Variants in NTN4 observed in about 807,000 individuals in gnomAD.
NTN4 encodes the protein netrin 4.
A neutral mutation model predicts 73.6 loss-of-function variants in NTN4; 32 were observed. That is an observed-to-expected ratio of 0.44 (90% CI 0.33 to 0.58). NTN4 has a LOEUF of 0.58. Among genes scored for constraint, NTN4 ranks in the 20% least tolerant of loss-of-function variants. The pLI is 0.04. For synonymous variants in NTN4, 258 were observed against 287.5 expected, an observed-to-expected ratio of 0.90 and a Z score of 1.04; for missense variants, 654 against 798.3, an observed-to-expected ratio of 0.82 and a Z score of 2.18.
At chr12:95,672,256 G>A in intron 7 of NTN4, 1 of 684,338 alleles carries the variant, frequency 1.5e-6, no homozygotes, top group Non-Finnish European at 2.7e-6. Context: ...GGCGGGCTGT[G>A]ATTCTAGAAT....
chr12:95,720,434 C>CTCTCTACTAGA (rs2078639286), intron 3 of NTN4, among the ~76,000 whole-genome samples: 1 of 152,170 alleles, frequency 6.6e-6, no homozygotes, highest in Admixed American at 6.5e-5. Flanking sequence ...TTATCCGCCT[C>CTCTCTACTAGA]TCTCTACTAG....
intron 2 of NTN4, among the ~76,000 whole-genome samples, chr12:95,771,325 A>G (rs2079057915): frequency 6.6e-6 from 1 of 152,158 alleles, no homozygotes; most frequent in African/African-American, 2.4e-5. Flanking sequence ...GAGTGTATGC[A>G]AACTGCCTGG....
intron 2 of NTN4, among the ~76,000 whole-genome samples, chr12:95,778,915 T>C (rs1362288321): frequency 6.6e-6 from 1 of 152,006 alleles, no homozygotes; most frequent in South Asian, 2.1e-4. Flanking sequence ...CTCAATAAAA[T>C]AAAGGCAAAC....
At chr12:95,754,911 G>T (rs1221725584) in intron 2 of NTN4, among the ~76,000 whole-genome samples, 1 of 152,202 alleles carries the variant, frequency 6.6e-6, no homozygotes, top group Non-Finnish European at 1.5e-5. Context: ...GCCATCATTT[G>T]TTTTATGTGG....
At position 95,691,543 on chromosome 12, in the gene NTN4, G is replaced by A. The variant is rs546253256; in HGVS notation, c.1181-7832C>T. 1.1e-3 allele frequency among the ~76,000 whole-genome samples: 174 copies of A among 151,944 alleles called. 1 individual carries two copies. Among genetic ancestry groups the A allele is most frequent in the African/African-American group, 4.0e-3 (167 of 41,426 alleles). On this transcript the variant is annotated intron_variant, in intron 5 of 9. Coordinates refer to ENST00000343702, the MANE Select transcript of NTN4 (RefSeq NM_021229.4). ...CCTGAGTAGCTGGGATTACAGGCAC[G>A]TGCCACCACGCCTGGCTAATTGTGG...
intron 3 of NTN4, among the ~76,000 whole-genome samples, chr12:95,732,847 G>T (rs1443212599): frequency 6.6e-6 from 1 of 152,114 alleles, no homozygotes; most frequent in Non-Finnish European, 1.5e-5. Context: ...ATAAATACAT[G>T]AATGAATGTA....
At chr12:95,728,858 T>G (rs1416981251) in intron 3 of NTN4, among the ~76,000 whole-genome samples, 1 of 152,176 alleles carries the variant, frequency 6.6e-6, no homozygotes, top group Non-Finnish European at 1.5e-5. Flanking sequence ...CCATTCCCCT[T>G]GGCACTGCCC....
At chr12:95,679,916 A>G (rs904695832) in intron 7 of NTN4, among the ~76,000 whole-genome samples, 11 of 152,008 alleles carry the variant, frequency 7.2e-5, no homozygotes, top group African/African-American at 2.4e-4. Flanking sequence ...ATTCCTCCTC[A>G]GGGCTTTAAA....
At chr12:95,663,045 G>C (rs1488019031) in intron 9 of NTN4, among the ~76,000 whole-genome samples, 1 of 152,020 alleles carries the variant, frequency 6.6e-6, no homozygotes, top group African/African-American at 2.4e-5. Context: ...GCTTGAGCCT[G>C]GGAGGTCGAG....
chr12:95,736,519 T>C (rs1014175009), intron 3 of NTN4, among the ~76,000 whole-genome samples: 10 of 152,216 alleles, frequency 6.6e-5, no homozygotes, highest in African/African-American at 2.2e-4. Context: ...CTACCTCACA[T>C]AAACTTTCTA....
At chr12:95,709,831 C>T (rs555728704) in intron 5 of NTN4, among the ~76,000 whole-genome samples, 2 of 152,286 alleles carry the variant, frequency 1.3e-5, no homozygotes, top group East Asian at 3.9e-4. Context: ...CCATGCCTGG[C>T]CTCCAAATAA....
At chr12:95,670,170 G>T in intron 7 of NTN4, 24 bp from the exon 8 acceptor site, 1 of 1,431,536 alleles carries the variant, frequency 7.0e-7, no homozygotes, top group Non-Finnish European at 9.7e-7. Flanking sequence ...ATTAAAAATG[G>T]TGTTAGTTAT....
chr12:95,724,384 C>A (rs1348101081), intron 3 of NTN4, among the ~76,000 whole-genome samples: 2 of 152,130 alleles, frequency 1.3e-5, no homozygotes, highest in Non-Finnish European at 2.9e-5. Context: ...TGACTACTGG[C>A]CTTTTAAAAA....
intron 2 of NTN4, among the ~76,000 whole-genome samples, chr12:95,752,754 C>A (rs1437633579): frequency 6.6e-6 from 1 of 152,234 alleles, no homozygotes; most frequent in East Asian, 1.9e-4. Context: ...CACCGTGTAG[C>A]CTTTCTGTCC....
chr12:95,771,923 C>G (rs1030665552), intron 2 of NTN4, among the ~76,000 whole-genome samples: 8 of 152,124 alleles, frequency 5.3e-5, no homozygotes, highest in Non-Finnish European at 1.2e-4. Flanking sequence ...CAACTTCTCT[C>G]TCACCTGTGA....
chr12:95,734,873 C>G (rs532966885), intron 3 of NTN4, among the ~76,000 whole-genome samples: 1 of 152,202 alleles, frequency 6.6e-6, no homozygotes, highest in Non-Finnish European at 1.5e-5. Context: ...AACCCCATCT[C>G]TACTAAAAAT....
intron 5 of NTN4, among the ~76,000 whole-genome samples, chr12:95,687,331 C>T (rs1315204066): frequency 6.6e-6 from 1 of 152,046 alleles, no homozygotes; most frequent in Non-Finnish European, 1.5e-5. Flanking sequence ...AACAAGTTTG[C>T]AGCCTTAAAT....
chr12:95,679,415 C>CAT (rs1159417505), intron 7 of NTN4, among the ~76,000 whole-genome samples: 1 of 152,248 alleles, frequency 6.6e-6, no homozygotes, highest in African/African-American at 2.4e-5. Context: ...TTCCCATGAC[C>CAT]ATATCTTAGA....
chr12:95,726,997 T>C (rs1252968112), intron 3 of NTN4, among the ~76,000 whole-genome samples: 1 of 151,758 alleles, frequency 6.6e-6, no homozygotes, highest in Non-Finnish European at 1.5e-5. Flanking sequence ...TTGGGGAAAA[T>C]GCCAGACTGT....
Sources: gnomAD v4.1 joint callset for allele counts (sites outside exome capture counted in the v4.1 genomes callset) on GRCh38, gnomAD v4.1.1 for gene constraint, MANE v1.5 for transcripts, NCBI Gene and HGNC (gene_info 2026-07-23, HGNC 2026-07-21) for gene names.